The following CENPQ variants were observed in gnomAD, a reference collection of about 807,000 sequenced individuals.
CENPQ encodes chromosome 6 open reading frame 139.
In CENPQ, 27 loss-of-function variants were observed where a neutral mutation model predicts 36.6. The ratio of observed to expected loss-of-function variants is 0.74; its 90% confidence interval spans 0.54 to 1.02. The LOEUF (loss-of-function observed/expected upper bound fraction) is 1.02. Ranked by LOEUF, CENPQ falls within the 50% of genes least tolerant of loss-of-function variation. The pLI is 0.00. For missense variants in CENPQ, 306 were observed against 301.8 expected (o/e 1.01, Z -0.10); for synonymous variants, 101 against 101.7 (o/e 0.99, Z 0.04).
intron 6 of CENPQ, among the ~76,000 whole-genome samples, chr6:49,483,974 C>A (rs1318263620): frequency 6.6e-6 from 1 of 152,240 alleles, no homozygotes; most frequent in Non-Finnish European, 1.5e-5. Flanking sequence ...CACACTGTCA[C>A]CTGTCAGTAG....
chr6:49,480,162 A>G (rs966605731), intron 5 of CENPQ, among the ~76,000 whole-genome samples: 1 of 152,166 alleles, frequency 6.6e-6, no homozygotes, highest in Admixed American at 6.5e-5. Flanking sequence ...GGGTTCCACT[A>G]TTGTTCAGAT....
chr6:49,491,807 C>T (rs1768727447), intron 8 of CENPQ, among the ~76,000 whole-genome samples: 1 of 151,952 alleles, frequency 6.6e-6, no homozygotes, highest in African/African-American at 2.4e-5. Context: ...CCCAGCTATT[C>T]GGGAGGCTGA....
intron 1 of CENPQ, among the ~76,000 whole-genome samples, chr6:49,468,767 A>C: frequency 6.6e-6 from 1 of 152,324 alleles, no homozygotes; most frequent in East Asian, 1.9e-4. Flanking sequence ...ATTAACAATC[A>C]TGAGAAGGAA....
Position 49,472,084 on chromosome 6 carries a change from T to C in CENPQ, c.179T>C (p.Leu60Pro). Residue 60 changes from leucine to proline, a missense_variant, in exon 4 of 9, where the codon CTA (leucine) becomes CCA (proline). Coordinates refer to ENST00000335783, the MANE Select transcript of CENPQ (RefSeq NM_018132.4). ...SSEGQTKHTN[L>P]KHGKTAASKR... ...ACAGGACAAACAAAGCACACTAACCTAAAACACGGAAAGACAGCAGCCAGC... is the reference window on the plus strand; with the variant it reads ...ACAGGACAAACAAAGCACACTAACCCAAAACACGGAAAGACAGCAGCCAGC... The C allele has an allele frequency of 6.2e-7, 1 of 1,612,524 alleles. No homozygotes were observed.
Position 49,492,423 on chromosome 6 carries a change from C to A in CENPQ, c.*148C>A. 1 of 675,364 alleles carries A rather than the reference C, an allele frequency of 1.5e-6. No homozygotes were observed. Among genetic ancestry groups the A allele is most frequent in the Non-Finnish European group, 2.3e-6 (1 of 433,620 alleles). The allele number at this position is 675,364 out of a possible 1,614,324, so 41.8% of individuals were successfully genotyped here. On this transcript the variant is annotated 3_prime_UTR_variant, in exon 9 of 9. Coordinates refer to ENST00000335783, the MANE Select transcript of CENPQ (RefSeq NM_018132.4). The stretch of plus-strand genomic sequence containing the variant: ...CACTTTAAAATTAGTCTTTGTAGTT[C>A]TATCATTAGCATCTAATGTAGTTCT...
At chr6:49,486,899 C>A (rs938067285) in intron 6 of CENPQ, among the ~76,000 whole-genome samples, 1 of 151,660 alleles carries the variant, frequency 6.6e-6, no homozygotes, top group Non-Finnish European at 1.5e-5. Context: ...GTAATCCCAG[C>A]ACTTTTGGAG....
chr6:49,481,131 G>A, intron 6 of CENPQ, 51 bp downstream of exon 6: 3 of 1,441,944 alleles, frequency 2.1e-6, no homozygotes, highest in Non-Finnish European at 2.8e-6. Flanking sequence ...GGAAAGGGAA[G>A]AAGACCAAAG....
chr6:49,479,303 A>G (rs761097172), intron 5 of CENPQ, among the ~76,000 whole-genome samples: 1 of 152,200 alleles, frequency 6.6e-6, no homozygotes, highest in Non-Finnish European at 1.5e-5. Flanking sequence ...CAACAATCCT[A>G]TTAAAAAGTG....
rs1032719490 is a variant in CENPQ at position 49,470,344 on chromosome 6, C to T, written c.102+66C>T. 3.0e-6 allele frequency: 3 copies of T among 993,770 alleles called. No homozygotes were observed. The Admixed American group carries it at 7.3e-5, about 24-fold the overall frequency. The allele number at this position is 993,770 out of a possible 1,614,324, so 61.6% of individuals were successfully genotyped here. On this transcript the variant is annotated intron_variant, in intron 2 of 8. Coordinates refer to ENST00000335783, the MANE Select transcript of CENPQ (RefSeq NM_018132.4). The stretch of plus-strand genomic sequence containing the variant: ...TGTGGCCAAGCACTATGGCTCATGC[C>T]TGTAATCCCAGCACTTTGGGAGGCC...
In CENPQ at chr6:49,473,393, C is replaced by T. The variant is rs181169485; in HGVS notation, c.347+535C>T. Among the ~76,000 whole-genome samples the T allele has an allele frequency of 1.5e-3, 226 of 152,202 alleles. 3 individuals carry two copies. The highest frequency in any genetic ancestry group is 9.9e-3 in the Admixed American group (151 of 15,290). The stretch of plus-strand genomic sequence containing the variant: ...AATAATTACTTTTCTCTAGTATTTA[C>T]ACAACTTTTTCTTTTTATAAGAAAC... On this transcript the variant is annotated intron_variant, in intron 5 of 8. Coordinates refer to ENST00000335783, the MANE Select transcript of CENPQ (RefSeq NM_018132.4).
chr6:49,475,470 C>T (rs979706109), intron 5 of CENPQ, among the ~76,000 whole-genome samples: 1 of 152,154 alleles, frequency 6.6e-6, no homozygotes, highest in Non-Finnish European at 1.5e-5. Flanking sequence ...CAATGTCATA[C>T]TGAATGGGCA....
At chr6:49,482,309 CAA>C (rs1316549607) in intron 6 of CENPQ, among the ~76,000 whole-genome samples, 1 of 152,194 alleles carries the variant, frequency 6.6e-6, no homozygotes, top group African/African-American at 2.4e-5. Context: ...CAAGTGCCAC[CAA>C]AGTGGGAGCC....
At chr6:49,473,301 T>C (rs1374981839) in intron 5 of CENPQ, among the ~76,000 whole-genome samples, 1 of 152,148 alleles carries the variant, frequency 6.6e-6, no homozygotes, top group African/African-American at 2.4e-5. Flanking sequence ...CTTCATCTTA[T>C]GGTAAATCAC....
At chr6:49,466,580 A>G (rs544297027) in intron 1 of CENPQ, among the ~76,000 whole-genome samples, 1 of 152,306 alleles carries the variant, frequency 6.6e-6, no homozygotes, top group East Asian at 1.9e-4. Context: ...ATCTGTCTCT[A>G]CCTGTGCACT....
Position 49,480,989 on chromosome 6 carries a change from A to G in CENPQ, c.386A>G (p.Lys129Arg). The part of the protein sequence containing the change: ...QQCETLKVPP[K>R]KMEDLTNVSS... Reference sequence around the variant, plus strand: ...TGTGAAACTCTGAAAGTCCCTCCCAAAAAGATGGAAGATTTAACTAATGTA... The same window carrying G: ...TGTGAAACTCTGAAAGTCCCTCCCAGAAAGATGGAAGATTTAACTAATGTA... Residue 129 changes from lysine (K) to arginine (R), a missense_variant, in exon 6 of 9, where the codon AAA becomes AGA. Transcript: ENST00000335783. The G allele has an allele frequency of 6.2e-7, 1 of 1,608,602 alleles. No homozygotes were observed. The highest frequency in any genetic ancestry group is 1.1e-5 in the South Asian group (1 of 89,932).
Position 49,488,625 on chromosome 6 carries a change from A to G in CENPQ, c.616A>G (p.Ser206Gly), listed in dbSNP as rs1354908907. Residue 206 changes from serine (S) to glycine (G), a missense_variant, in exon 8 of 9, where the codon AGT (serine) becomes GGT (glycine). Ser to Gly is a moderately conservative substitution (Grantham distance 56, BLOSUM62 0). Coordinates refer to ENST00000335783, the MANE Select transcript of CENPQ (RefSeq NM_018132.4). ...RVKQMHQINSSGVLSLPELSQ... is the reference protein window; with the variant it reads ...RVKQMHQINSGGVLSLPELSQ... ...ACTTTAGATGCATCAAATAAATAGT[A>G]GTGGAGTACTCTCTCTTCCGGAACT... 4 of 1,613,466 alleles carry G rather than the reference A, an allele frequency of 2.5e-6. No individual in the cohort carries two copies. Among genetic ancestry groups the G allele is most frequent in the Non-Finnish European group, 3.4e-6 (4 of 1,179,432 alleles).
At chr6:49,466,353 G>T (rs1182772081) in intron 1 of CENPQ, among the ~76,000 whole-genome samples, 1 of 152,188 alleles carries the variant, frequency 6.6e-6, no homozygotes, top group Non-Finnish European at 1.5e-5. Context: ...TTGGAAAAAT[G>T]GCATCAATAT....
At chr6:49,486,532 A>G (rs976381921) in intron 6 of CENPQ, among the ~76,000 whole-genome samples, 1 of 152,146 alleles carries the variant, frequency 6.6e-6, no homozygotes, top group African/African-American at 2.4e-5. Flanking sequence ...CCACAAATAA[A>G]TTGAAATGGA....
In CENPQ at chr6:49,472,832, A is replaced by G. The variant is rs200656112; in HGVS notation, c.321A>G (p.Gln107=). 50 of 1,454,196 alleles carry G rather than the reference A, an allele frequency of 3.4e-5. No individual in the cohort carries two copies. The highest frequency in any genetic ancestry group is 4.4e-5 in the Non-Finnish European group (47 of 1,071,172). 90.1% of individuals were successfully genotyped at this position (1,454,196 alleles called of 1,614,324 possible). The change falls in exon 5 of 9, where the codon CAA becomes CAG. Residue 107 remains glutamine, a synonymous_variant. Coordinates refer to ENST00000335783, the MANE Select transcript of CENPQ (RefSeq NM_018132.4). ...GTATTAAAGAAAAAGAAGAAATACA[A>G]TACCATCTCAACTTCCTGAAGAAAA... The part of the protein sequence containing the change: ...SNSIKEKEEI[Q]YHLNFLKKRL...
Sources: allele counts gnomAD v4.1 joint callset (sites outside exome capture counted in the v4.1 genomes callset), GRCh38; gene constraint gnomAD v4.1.1; transcripts MANE v1.5; gene names NCBI Gene and HGNC (gene_info 2026-07-23, HGNC 2026-07-21).